The following CERK variants were observed in gnomAD, a reference collection of about 807,000 sequenced individuals.
CERK encodes acylsphingosine kinase.
Under a neutral mutation model 63.4 loss-of-function variants are expected in CERK, and 39 were observed. The ratio of observed to expected loss-of-function variants is 0.61; its 90% CI spans 0.48 to 0.80. The LOEUF is 0.80. Ranked by LOEUF, CERK falls within the 30% of genes least tolerant of loss-of-function variation. CERK has a pLI of 0.00. For synonymous variants in CERK, 302 were observed against 280.0 expected, an observed-to-expected ratio of 1.08 and a Z score of -0.78; for missense variants, 670 against 714.1, an observed-to-expected ratio of 0.94 and a Z score of 0.70.
intron 10 of CERK, 79 bp downstream of exon 10, chr22:46,693,348 G>T: frequency 8.8e-7 from 1 of 1,141,558 alleles, no homozygotes; most frequent in Non-Finnish European, 1.3e-6. Context: ...AGGGAGAAGA[G>T]GCAGTGCCCT....
At chr22:46,710,488 C>T (rs2082835263) in intron 5 of CERK, among the ~76,000 whole-genome samples, 1 of 151,666 alleles carries the variant, frequency 6.6e-6, no homozygotes, top group Non-Finnish European at 1.5e-5. Flanking sequence ...AGCAATATGG[C>T]TGTACACGGC....
At position 46,732,863 on chromosome 22, in the gene CERK, G is replaced by T. The variant is rs958932683; in HGVS notation, c.142+5144C>A. On this transcript the variant is annotated intron_variant, in intron 1 of 12. Transcript: ENST00000216264. The stretch of plus-strand genomic sequence containing the variant: ...TATATCCATTGCCATTTGTCTAATG[G>T]ATTGTCTGCCTTTTTTCCTATCAAT... 4.6e-5 allele frequency among the ~76,000 whole-genome samples: 7 copies of T among 152,126 alleles called. No homozygotes were observed. In the East Asian group the frequency reaches 7.7e-4, roughly 17 times the overall value.
intron 7 of CERK, among the ~76,000 whole-genome samples, chr22:46,701,321 G>A (rs191277315): frequency 2.6e-5 from 4 of 152,400 alleles, no homozygotes; most frequent in East Asian, 1.9e-4. Flanking sequence ...GAGCCTCGGG[G>A]CAGCAGCCTC....
At chr22:46,731,954 C>T (rs186780927) in intron 1 of CERK, among the ~76,000 whole-genome samples, 3 of 152,214 alleles carry the variant, frequency 2.0e-5, no homozygotes, top group Admixed American at 1.3e-4. Context: ...AGGGTTCAGC[C>T]GCCGGGGTGC....
At chr22:46,700,367 T>C (rs2082777677) in intron 7 of CERK, among the ~76,000 whole-genome samples, 1 of 152,158 alleles carries the variant, frequency 6.6e-6, no homozygotes, top group Non-Finnish European at 1.5e-5. Context: ...TACTCTAGCC[T>C]GGGCAACAAG....
At chr22:46,727,445 G>GTTTC (rs562728611) in intron 1 of CERK, among the ~76,000 whole-genome samples, 11,216 of 67,782 alleles carry the variant, frequency 0.17, 671 homozygotes, top group Non-Finnish European at 0.26. Flanking sequence ...ATGCCCAGCT[G>GTTTC]TTTCTTTTTT....
intron 7 of CERK, among the ~76,000 whole-genome samples, chr22:46,701,120 A>G (rs915724071): frequency 2.0e-5 from 3 of 152,242 alleles, no homozygotes; most frequent in African/African-American, 7.2e-5. Context: ...GAAGGCACAA[A>G]AGATCTGTCC....
At chr22:46,721,292 T>C (rs564713229) in intron 1 of CERK, among the ~76,000 whole-genome samples, 1 of 151,426 alleles carries the variant, frequency 6.6e-6, no homozygotes, top group East Asian at 1.9e-4. Context: ...AAGATATACA[T>C]ATATATATAT....
chr22:46,730,397 G>A (rs982177386), intron 1 of CERK, among the ~76,000 whole-genome samples: 1 of 152,116 alleles, frequency 6.6e-6, no homozygotes, highest in Non-Finnish European at 1.5e-5. Flanking sequence ...CTCCAGTCTG[G>A]GTAACAGAGT....
intron 5 of CERK, among the ~76,000 whole-genome samples, chr22:46,709,413 C>G (rs2082829532): frequency 6.6e-6 from 1 of 152,188 alleles, no homozygotes; most frequent in Admixed American, 6.5e-5. Context: ...CATGGAGGAG[C>G]TGCCATCGGG....
At chr22:46,708,330 C>G (rs1332588800) in intron 5 of CERK, among the ~76,000 whole-genome samples, 1 of 152,240 alleles carries the variant, frequency 6.6e-6, no homozygotes, top group East Asian at 1.9e-4. Context: ...GAAGAGTACA[C>G]CTGTGCTGCT....
intron 1 of CERK, among the ~76,000 whole-genome samples, chr22:46,736,987 C>A (rs917681403): frequency 1.3e-5 from 2 of 152,180 alleles, no homozygotes; most frequent in Admixed American, 6.5e-5. Flanking sequence ...CTGCCACACC[C>A]ACCCCAATAA....
intron 1 of CERK, among the ~76,000 whole-genome samples, chr22:46,726,460 C>T (rs1166622670): frequency 6.6e-6 from 1 of 152,182 alleles, no homozygotes; most frequent in Admixed American, 6.5e-5. Context: ...GCACGGGCCA[C>T]ACTGACCTCC....
At chr22:46,693,338 A>T in intron 10 of CERK, 89 bp downstream of exon 10, 1 of 1,026,186 alleles carries the variant, frequency 9.7e-7, no homozygotes, top group Non-Finnish European at 1.5e-6. Context: ...ACAGGTGGGC[A>T]GGGAGAAGAG....
rs531249890 is a variant in CERK at position 46,722,551 on chromosome 22, C to T, written c.143-1536G>A. On this transcript the variant is annotated intron_variant, in intron 1 of 12. Transcript: ENST00000216264. ...CCTCCGGTGTGCCCCACCTGGGCCT[C>T]CCATCTTTTTTTTTTTTTTTTTTTT... Among the ~76,000 whole-genome samples the T allele has an allele frequency of 4.8e-3, 704 of 147,252 alleles. 6 individuals carry two copies. Among genetic ancestry groups the T allele is most frequent in the Middle Eastern group, 6.9e-3 (2 of 290 alleles).
At chr22:46,689,957 G>A (rs747925789) in intron 12 of CERK, 35 bp downstream of exon 12, 29 of 1,535,038 alleles carry the variant, frequency 1.9e-5, no homozygotes, top group Non-Finnish European at 2.6e-5. Context: ...GGCTCAAGGG[G>A]ATGGCGCTGG....
In CERK at chr22:46,712,082, G is replaced by A. The variant is rs1034333722; in HGVS notation, c.505+86C>T. 147 of 1,482,138 alleles carry A rather than the reference G, an allele frequency of 9.9e-5. No individual in the cohort carries two copies. In the African/African-American group the frequency reaches 1.1e-3, roughly 11 times the overall value. The allele number at this position is 1,482,138 out of a possible 1,614,324, so 91.8% of individuals were successfully genotyped here. A position where few individuals can be genotyped will look rare whatever the true frequency, so the allele number is the denominator to read the frequency against. On this transcript the variant is annotated intron_variant, in intron 4 of 12. Transcript: ENST00000216264. ...AGCCTGGGCAACAGAGTGAGACACC[G>A]TCTAGAAAAAGCAGAAACGTCTCTA...
intron 6 of CERK, among the ~76,000 whole-genome samples, chr22:46,704,786 C>G (rs941936711): frequency 6.9e-6 from 1 of 144,236 alleles, no homozygotes; most frequent in African/African-American, 2.6e-5. Context: ...GATCATGCCA[C>G]TGCACTCCAG....
intron 3 of CERK, among the ~76,000 whole-genome samples, chr22:46,712,550 G>A (rs974777704): frequency 9.9e-5 from 15 of 152,180 alleles, no homozygotes; most frequent in Admixed American, 7.2e-4. Context: ...TCAGAATTCC[G>A]ACTGAGAAGG....
Sources: gnomAD v4.1 joint callset for allele counts (sites outside exome capture counted in the v4.1 genomes callset) on GRCh38, gnomAD v4.1.1 for gene constraint, MANE v1.5 for transcripts, NCBI Gene and HGNC (gene_info 2026-07-23, HGNC 2026-07-21) for gene names.